ITGB6: variants seen among roughly 807,000 people sequenced by gnomAD.
ITGB6 encodes integrin beta-6.
ITGB6 carries 80 observed loss-of-function variants against 84.5 expected under a neutral mutation model. The ratio of observed to expected loss-of-function variants is 0.95; its 90% CI spans 0.79 to 1.14. ITGB6 has a LOEUF of 1.14. Ranked by LOEUF, ITGB6 falls within the 50% of genes most tolerant of loss-of-function variation. The probability of loss-of-function intolerance (pLI) is 0.00; values close to 1 mark genes in which losing one functional copy is unlikely to be tolerated. For synonymous variants in ITGB6, 383 were observed against 354.9 expected (o/e 1.08, Z -0.89); for missense variants, 1,006 against 968.0 (o/e 1.04, Z -0.52).
chr2:160,120,076 A>C (rs989262946), intron 12 of ITGB6, among the ~76,000 whole-genome samples: 1 of 151,230 alleles, frequency 6.6e-6, no homozygotes, highest in Non-Finnish European at 1.5e-5. Flanking sequence ...GTGGGACTGT[A>C]AACTAGTTCA....
intron 12 of ITGB6, among the ~76,000 whole-genome samples, chr2:160,116,925 A>C (rs1358394509): frequency 1.3e-5 from 2 of 151,812 alleles, no homozygotes; most frequent in Admixed American, 6.6e-5. Flanking sequence ...GAAGGCCATT[A>C]CATAATGGTA....
At chr2:160,138,466 G>A (rs1326820050) in intron 8 of ITGB6, among the ~76,000 whole-genome samples, 1 of 152,106 alleles carries the variant, frequency 6.6e-6, no homozygotes, top group East Asian at 1.9e-4. Flanking sequence ...AGATGGTTCT[G>A]CACACCATAT....
At chr2:160,139,460 C>A (rs772287097) in intron 8 of ITGB6, among the ~76,000 whole-genome samples, 6 of 152,056 alleles carry the variant, frequency 3.9e-5, no homozygotes, top group Admixed American at 2.0e-4. Context: ...ATGACCCTGC[C>A]TTCCTCCAAA....
At chr2:160,196,512 A>C in intron 2 of ITGB6, 92 bp from the exon 3 acceptor site, 1 of 1,068,340 alleles carries the variant, frequency 9.4e-7, no homozygotes, top group Non-Finnish European at 1.4e-6. Context: ...TTTCTGCACA[A>C]TTTGCTAGTT....
At chr2:160,148,650 C>T (rs1840894) in intron 7 of ITGB6, among the ~76,000 whole-genome samples, 32,150 of 152,086 alleles carry the variant, frequency 0.21, 4,350 homozygotes, top group Middle Eastern at 0.38. Flanking sequence ...CGGGGCATTG[C>T]CTCACCCGGG....
intron 7 of ITGB6, among the ~76,000 whole-genome samples, chr2:160,142,499 C>T (rs1468262832): frequency 6.6e-6 from 1 of 152,180 alleles, no homozygotes; most frequent in Non-Finnish European, 1.5e-5. Context: ...GGAATCAGGT[C>T]GCTCTGTAAG....
At chr2:160,158,098 GTC>G (rs1684694074) in intron 7 of ITGB6, among the ~76,000 whole-genome samples, 1 of 150,848 alleles carries the variant, frequency 6.6e-6, no homozygotes, top group Non-Finnish European at 1.5e-5. Context: ...TAGCATGAAT[GTC>G]TGTCTCTGGG....
intron 7 of ITGB6, among the ~76,000 whole-genome samples, chr2:160,157,242 G>A (rs1305873754): frequency 1.3e-5 from 2 of 152,178 alleles, no homozygotes; most frequent in South Asian, 2.1e-4. Context: ...CAATGACCCT[G>A]TTTCCAAATA....
In ITGB6 at chr2:160,101,041, A is replaced by G. The variant is rs1696698834; in HGVS notation, c.*695T>C. ...ATATCGTTTTTCAGGTAATTTAAAA[A>G]TAAGCTATATGATAGGGTTGTTATC... On this transcript the variant is annotated 3_prime_UTR_variant, in exon 15 of 15. Transcript: ENST00000283249. 6.6e-6 allele frequency: 1 copy of G among 152,224 alleles called. No homozygotes were observed. The highest frequency in any genetic ancestry group is 6.5e-5 in the Admixed American group (1 of 15,280). 9.4% of individuals were successfully genotyped at this position (152,224 alleles called of 1,614,324 possible).
chr2:160,108,214 AGTGTGTGTGTGTGTGT>A (rs57363305), intron 13 of ITGB6, among the ~76,000 whole-genome samples: 4 of 142,818 alleles, frequency 2.8e-5, no homozygotes, highest in South Asian at 2.3e-4. Flanking sequence ...GCAGAAATGG[AGTGTGTGTGTGTGTGT>A]GTGTGTGTGT....
chr2:160,199,155 A>G (rs201921551), intron 2 of ITGB6, 24 bp downstream of exon 2: 2 of 1,589,644 alleles, frequency 1.3e-6, no homozygotes, highest in Non-Finnish European at 1.7e-6. Context: ...GGTTTTAAAA[A>G]CACATTGAGG....
intron 7 of ITGB6, among the ~76,000 whole-genome samples, chr2:160,148,482 C>A (rs989748877): frequency 6.6e-6 from 1 of 152,206 alleles, no homozygotes; most frequent in African/African-American, 2.4e-5. Context: ...TTGAACACTT[C>A]CAAGATGGCT....
intron 4 of ITGB6, among the ~76,000 whole-genome samples, chr2:160,185,640 AT>A (rs1656185977): frequency 6.6e-6 from 1 of 152,228 alleles, no homozygotes; most frequent in Non-Finnish European, 1.5e-5. Context: ...TTCATATGGA[AT>A]CAAAAAGGAG....
chr2:160,150,995 T>A (rs981415220), intron 7 of ITGB6, among the ~76,000 whole-genome samples: 2 of 151,548 alleles, frequency 1.3e-5, no homozygotes, highest in Non-Finnish European at 3.0e-5. Flanking sequence ...GACACCCATA[T>A]AATAATAATG....
chr2:160,121,889 C>A lies in ITGB6; in HGVS notation c.1981+1902G>T, dbSNP rs560115163. 2.8e-5 allele frequency among the ~76,000 whole-genome samples: 4 copies of A among 143,908 alleles called. No homozygotes were observed. In the South Asian group the frequency reaches 8.9e-4, roughly 32 times the overall value. 94.4% of individuals were successfully genotyped at this position (143,908 alleles called of 152,430 possible). The stretch of plus-strand genomic sequence containing the variant: ...AATTCATACAGATTATAAAGTTATG[C>A]TTTTTTTTTTTACTCCTGGGGAGTA... On this transcript the variant is annotated intron_variant, in intron 12 of 14. Coordinates refer to ENST00000283249, the MANE Select transcript of ITGB6 (RefSeq NM_000888.5).
chr2:160,196,452 AAAAG>A, intron 2 of ITGB6, 32 bp from the exon 3 acceptor site: 8 of 1,537,276 alleles, frequency 5.2e-6, no homozygotes, highest in Non-Finnish European at 7.1e-6. Flanking sequence ...AATAACCAGA[AAAAG>A]AAAACAAATC....
At chr2:160,140,934 C>T (rs1036896752) in intron 8 of ITGB6, among the ~76,000 whole-genome samples, 1 of 152,062 alleles carries the variant, frequency 6.6e-6, no homozygotes, top group African/African-American at 2.4e-5. Context: ...GCTCTCATTT[C>T]CCCTGAAGTC....
At chr2:160,129,906 G>GTA (rs200612290) in intron 10 of ITGB6, among the ~76,000 whole-genome samples, 14 of 151,584 alleles carry the variant, frequency 9.2e-5, no homozygotes, top group East Asian at 1.9e-4. Flanking sequence ...GTGCATATAT[G>GTA]TATATATATA....
chr2:160,168,742 C>T (rs995173264), intron 7 of ITGB6, among the ~76,000 whole-genome samples: 2 of 152,014 alleles, frequency 1.3e-5, no homozygotes, highest in Admixed American at 6.6e-5. Context: ...AAGTTTTTTC[C>T]TTTAACTTTC....
Sources: allele counts gnomAD v4.1 joint callset (sites outside exome capture counted in the v4.1 genomes callset), GRCh38; gene constraint gnomAD v4.1.1; transcripts MANE v1.5; gene names NCBI Gene and HGNC (gene_info 2026-07-23, HGNC 2026-07-21).